Variants in KCNT2 observed in about 807,000 individuals in gnomAD.
KCNT2 encodes the protein potassium channel subfamily T member 2.
KCNT2 carries 67 observed loss-of-function variants against 153.8 expected under a neutral mutation model. The observed-to-expected ratio is 0.44, with a 90% confidence interval of 0.36 to 0.53. The LOEUF (loss-of-function observed/expected upper bound fraction) is 0.53, where lower values mean the gene tolerates loss of function less well. Among genes scored for constraint, KCNT2 ranks in the 20% least tolerant of loss-of-function variants. The pLI is 0.00. For synonymous variants in KCNT2, 500 were observed against 458.8 expected (o/e 1.09, Z -1.15); for missense variants, 975 against 1,354.8 (o/e 0.72, Z 4.40).
intron 8 of KCNT2, 128 bp from the exon 9 acceptor site, chr1:196,429,885 A>G (rs1673984226): frequency 1.2e-5 from 7 of 590,818 alleles, no homozygotes; most frequent in East Asian, 2.9e-5. Flanking sequence ...ATTTTACAAT[A>G]TATTTTTCTA....
chr1:196,501,220 G>A (rs1361175323), intron 1 of KCNT2, among the ~76,000 whole-genome samples: 1 of 152,132 alleles, frequency 6.6e-6, no homozygotes, highest in Non-Finnish European at 1.5e-5. Context: ...CAAAGGGAAA[G>A]AAGTCATTTA....
chr1:196,508,741 C>T (rs778671902), intron 1 of KCNT2, among the ~76,000 whole-genome samples: 2 of 152,164 alleles, frequency 1.3e-5, no homozygotes, highest in Non-Finnish European at 2.9e-5. Context: ...AGTGAAGTAA[C>T]ATTTTATATC....
intron 8 of KCNT2, among the ~76,000 whole-genome samples, chr1:196,438,219 A>G (rs916977703): frequency 1.3e-5 from 2 of 151,828 alleles, no homozygotes; most frequent in Admixed American, 1.3e-4. Flanking sequence ...AATGAATCAA[A>G]TATATACACA....
At chr1:196,472,915 C>T (rs986529140) in intron 5 of KCNT2, among the ~76,000 whole-genome samples, 6 of 152,122 alleles carry the variant, frequency 3.9e-5, no homozygotes, top group Non-Finnish European at 8.8e-5. Flanking sequence ...TGCACCTTTA[C>T]GCCAGACCAG....
At chr1:196,602,888 G>A (rs1349495338) in intron 1 of KCNT2, among the ~76,000 whole-genome samples, 4 of 140,822 alleles carry the variant, frequency 2.8e-5, no homozygotes, top group Admixed American at 7.7e-5. Context: ...CCAGGTTCAC[G>A]CCATTCTCCT....
intron 13 of KCNT2, among the ~76,000 whole-genome samples, chr1:196,386,115 G>T (rs1669958630): frequency 1.3e-5 from 2 of 152,038 alleles, no homozygotes; most frequent in South Asian, 4.1e-4. Flanking sequence ...AAGAAACCAA[G>T]ATCTCCTACC....
chr1:196,566,619 T>C (rs1415787561), intron 1 of KCNT2, among the ~76,000 whole-genome samples: 1 of 152,040 alleles, frequency 6.6e-6, no homozygotes, highest in African/African-American at 2.4e-5. Flanking sequence ...GAAAATTTTA[T>C]GAAAACTAAA....
At chr1:196,259,766 T>C (rs188754414) in intron 25 of KCNT2, 3 of 152,030 alleles carry the variant, frequency 2.0e-5, no homozygotes, top group African/African-American at 7.2e-5. Flanking sequence ...CAGTACTATA[T>C]CAGAGGGATA....
intron 25 of KCNT2, among the ~76,000 whole-genome samples, chr1:196,265,696 C>T (rs114749845): frequency 0.016 from 2,377 of 152,220 alleles, 55 homozygotes; most frequent in African/African-American, 0.054. Context: ...GTTCACACTC[C>T]TAAAAGGAGA....
At chr1:196,593,981 G>A (rs886147335) in intron 1 of KCNT2, among the ~76,000 whole-genome samples, 1 of 151,648 alleles carries the variant, frequency 6.6e-6, no homozygotes, top group Admixed American at 6.6e-5. Context: ...TTTTACAGAA[G>A]ACCAACACAC....
chr1:196,318,757 A>G lies in KCNT2; in HGVS notation c.2348+727T>C, dbSNP rs567756139. 4.6e-5 allele frequency among the ~76,000 whole-genome samples: 7 copies of G among 151,896 alleles called. No homozygotes were observed. In the East Asian group the frequency reaches 1.4e-3, roughly 30 times the overall value. ...TATCCACAGCACTAAATACTTTCAA[A>G]GTTGTAAAACTGTGTTTTCTTCAAC... On this transcript the variant is annotated intron_variant, in intron 20 of 27. Transcript: ENST00000294725.
At chr1:196,435,403 T>C (rs1370227223) in intron 8 of KCNT2, among the ~76,000 whole-genome samples, 1 of 150,934 alleles carries the variant, frequency 6.6e-6, no homozygotes, top group East Asian at 2.0e-4. Context: ...AATGAAAAAT[T>C]GGGGAATTTG....
intron 11 of KCNT2, among the ~76,000 whole-genome samples, chr1:196,423,781 G>T (rs920794468): frequency 1.3e-5 from 2 of 151,158 alleles, no homozygotes; most frequent in African/African-American, 4.8e-5. Context: ...AAAAGTCCTT[G>T]AAATAAGACC....
chr1:196,504,642 T>C (rs547430901), intron 1 of KCNT2, among the ~76,000 whole-genome samples: 29 of 152,284 alleles, frequency 1.9e-4, no homozygotes, highest in Admixed American at 1.5e-3. Flanking sequence ...TAGTTCTAGA[T>C]CCCTGAGGAA....
At chr1:196,473,518 T>C (rs866855804) in intron 5 of KCNT2, among the ~76,000 whole-genome samples, 1 of 152,202 alleles carries the variant, frequency 6.6e-6, no homozygotes, top group Non-Finnish European at 1.5e-5. Flanking sequence ...TGTGTATGTT[T>C]GTGTGAGTTT....
chr1:196,525,325 GT>G, intron 1 of KCNT2, among the ~76,000 whole-genome samples: 1 of 152,110 alleles, frequency 6.6e-6, no homozygotes, highest in East Asian at 1.9e-4. Context: ...GTAAACAAGT[GT>G]CTTTTTCATG....
intron 27 of KCNT2, among the ~76,000 whole-genome samples, chr1:196,231,134 A>G (rs909292981): frequency 5.3e-5 from 8 of 151,914 alleles, no homozygotes; most frequent in Admixed American, 5.3e-4. Flanking sequence ...AAAAAAGATT[A>G]TGACTCCCTG....
intron 1 of KCNT2, among the ~76,000 whole-genome samples, chr1:196,596,661 T>C (rs768961446): frequency 1.3e-5 from 2 of 152,198 alleles, no homozygotes; most frequent in African/African-American, 4.8e-5. Flanking sequence ...TGGCTGTATA[T>C]GGCTATATTA....
intron 17 of KCNT2, among the ~76,000 whole-genome samples, chr1:196,331,494 A>G (rs1664457454): frequency 6.6e-6 from 1 of 152,044 alleles, no homozygotes; most frequent in African/African-American, 2.4e-5. Context: ...ATGGTTGGAA[A>G]AAATCAAACT....
Sources: gnomAD v4.1 joint callset for allele counts (sites outside exome capture counted in the v4.1 genomes callset) on GRCh38, gnomAD v4.1.1 for gene constraint, MANE v1.5 for transcripts, NCBI Gene and HGNC (gene_info 2026-07-23, HGNC 2026-07-21) for gene names.